Variants in IFI35 observed in about 807,000 individuals in gnomAD.
IFI35 encodes the protein interferon-induced 35 kDa protein.
In IFI35, 30 loss-of-function variants were observed where a neutral mutation model predicts 28.6. The observed-to-expected ratio is 1.05, with a 90% CI of 0.79 to 1.43. The LOEUF is 1.43. Among genes scored for constraint, IFI35 ranks in the 40% most tolerant of loss-of-function variants. The pLI is 0.00. For missense variants in IFI35, 372 were observed against 356.9 expected, an observed-to-expected ratio of 1.04 and a Z score of -0.34; for synonymous variants, 146 against 154.8, an observed-to-expected ratio of 0.94 and a Z score of 0.42.
At chr17:43,007,064 A>AG in intron 1 of IFI35, 96 bp downstream of exon 1, 1 of 1,331,286 alleles carries the variant, frequency 7.5e-7, no homozygotes, top group Non-Finnish European at 1.1e-6. Context: ...GCCAAGCCTC[A>AG]CCCTGCCCAT....
chr17:43,013,857 TGAAC>T lies in IFI35; in HGVS notation c.646_649del (p.Asn216GlyfsTer49). ...GTCCCTCTGAGAGTCTCTCCGTATG[TGAAC>T]GGGGAGATCCAGAAGGCTGAGGTAA... On this transcript the variant is annotated frameshift_variant, in exon 6 of 7. Coordinates refer to ENST00000415816, the MANE Select transcript of IFI35 (RefSeq NM_001330230.2). LOFTEE classifies it high-confidence loss of function. 1 of 1,605,578 alleles carries T rather than the reference TGAAC, an allele frequency of 6.2e-7. No homozygotes were observed. Among genetic ancestry groups the T allele is most frequent in the Non-Finnish European group, 8.5e-7 (1 of 1,175,396 alleles).
Position 43,007,847 on chromosome 17 carries a change from T to TTTTATATATA in IFI35, c.21+880_21+881insTTATATATAT, listed in dbSNP as rs1375752219. On this transcript the variant is annotated intron_variant, in intron 1 of 6. Coordinates refer to ENST00000415816, the MANE Select transcript of IFI35 (RefSeq NM_001330230.2). ...TCTCACACACACACACACACAAAAT[T>TTTTATATATA]TATATATATATATATATATATATAT... Among the ~76,000 whole-genome samples, 1,160 of 118,968 alleles carry TTTTATATATA rather than the reference T, an allele frequency of 9.8e-3. 27 individuals carry two copies. Among genetic ancestry groups the TTTTATATATA allele is most frequent in the African/African-American group, 0.038 (997 of 25,958 alleles). The allele number at this position is 118,968 out of a possible 152,430, so 78.0% of individuals were successfully genotyped here.
chr17:43,012,335 T>G, intron 2 of IFI35, 58 bp downstream of exon 2: 1 of 1,308,828 alleles, frequency 7.6e-7, no homozygotes, highest in South Asian at 1.3e-5. Context: ...CCGGGTGCGG[T>G]GGCTCACACC....
At position 43,007,850 on chromosome 17, in the gene IFI35, TATA is replaced by T. The variant is rs1567741708; in HGVS notation, c.21+883_21+885del. 1.7e-4 allele frequency among the ~76,000 whole-genome samples: 6 copies of T among 35,948 alleles called. No individual in the cohort carries two copies. The Admixed American group carries it at 1.7e-3, about 10-fold the overall frequency. 23.6% of individuals were successfully genotyped at this position (35,948 alleles called of 152,430 possible). A position where few individuals can be genotyped will look rare whatever the true frequency, so the allele number is the denominator to read the frequency against. On this transcript the variant is annotated intron_variant, in intron 1 of 6. Transcript: ENST00000415816. Reference sequence around the variant, plus strand: ...CACACACACACACACACAAAATTTATATATATATATATATATATATATACTATA... The same window carrying T: ...CACACACACACACACACAAAATTTATTATATATATATATATATATACTATA...
chr17:43,013,107 G>C lies in IFI35; in HGVS notation c.181G>C (p.Glu61Gln), dbSNP rs2050477287. 1.2e-6 allele frequency: 2 copies of C among 1,613,904 alleles called. No individual in the cohort carries two copies. The highest frequency in any genetic ancestry group is 1.7e-5 in the Admixed American group (1 of 59,972). The change falls in exon 3 of 7, where the codon GAA (glutamate) becomes CAA (glutamine). Residue 61 changes from glutamate (E) to glutamine (Q), a missense_variant. Glu to Gln is a conservative substitution (Grantham distance 29). Coordinates refer to ENST00000415816, the MANE Select transcript of IFI35 (RefSeq NM_001330230.2). ...CCGAGGACACACCCAGCAGGACCCGGAAGTGCCTAAGTCTTTAGTTTCCAA... is the reference window on the plus strand; with the variant it reads ...CCGAGGACACACCCAGCAGGACCCGCAAGTGCCTAAGTCTTTAGTTTCCAA... ...VFRGHTQQDP[E>Q]VPKSLVSNLR...
intron 2 of IFI35, 61 bp from the exon 3 acceptor site, chr17:43,012,986 G>C (rs750862132): frequency 9.8e-6 from 15 of 1,525,152 alleles, no homozygotes; most frequent in Admixed American, 1.9e-5. Context: ...GAATGGAATC[G>C]GAGATGCCTT....
At chr17:43,007,925 G>A (rs939382416) in intron 1 of IFI35, among the ~76,000 whole-genome samples, 6 of 145,662 alleles carry the variant, frequency 4.1e-5, no homozygotes, top group Non-Finnish European at 8.9e-5. Flanking sequence ...AGATTAACAC[G>A]GTAAAAACTT....
intron 1 of IFI35, among the ~76,000 whole-genome samples, chr17:43,008,343 C>CTTTTTT (rs34285823): frequency 6.7e-5 from 6 of 89,406 alleles, no homozygotes; most frequent in Non-Finnish European, 1.0e-4. Flanking sequence ...CTTTTCTTTC[C>CTTTTTT]TTTTTTTTTT....
chr17:43,013,404 A>G, intron 4 of IFI35, 31 bp downstream of exon 4: 1 of 1,609,896 alleles, frequency 6.2e-7, no homozygotes, highest in Non-Finnish European at 8.5e-7. Flanking sequence ...TGGGGCATGC[A>G]AAGCATGCCA....
chr17:43,010,318 A>G (rs775997), intron 1 of IFI35, among the ~76,000 whole-genome samples: 148,951 of 152,014 alleles, frequency 0.98, 73,044 homozygotes, highest in Middle Eastern at 1. Context: ...GATTGATTCC[A>G]GGAGGTCGAG....
In IFI35 at chr17:43,007,847, T is replaced by TTTTATATA. The variant is rs1375752219; in HGVS notation, c.21+880_21+881insTTATATAT. On this transcript the variant is annotated intron_variant, in intron 1 of 6. Coordinates refer to ENST00000415816, the MANE Select transcript of IFI35 (RefSeq NM_001330230.2). The stretch of plus-strand genomic sequence containing the variant: ...TCTCACACACACACACACACAAAAT[T>TTTTATATA]TATATATATATATATATATATATAT... 8.6e-4 allele frequency among the ~76,000 whole-genome samples: 102 copies of TTTTATATA among 119,010 alleles called. 2 individuals are homozygous for TTTTATATA. The highest frequency in any genetic ancestry group is 1.5e-3 in the Admixed American group (19 of 12,362). 78.1% of individuals were successfully genotyped at this position (119,010 alleles called of 152,430 possible).
intron 1 of IFI35, among the ~76,000 whole-genome samples, chr17:43,007,775 G>A (rs931885511): frequency 4.0e-5 from 6 of 148,462 alleles, no homozygotes; most frequent in African/African-American, 1.2e-4. Flanking sequence ...GCAGTGAGCC[G>A]AGATTGTACC....
rs376575632 is a variant in IFI35, at chr17:43,014,157, A to G, written c.719A>G (p.Asp240Gly). 2 of 1,613,920 alleles carry G rather than the reference A, an allele frequency of 1.2e-6. No homozygotes were observed. The highest frequency in any genetic ancestry group is 4.5e-5 in the East Asian group (2 of 44,870). The change falls in exon 7 of 7, where the codon GAT becomes GGT. Residue 240 changes from aspartate (D) to glycine (G), a missense_variant. By Grantham distance (94) the Asp-to-Gly change is moderately conservative. Coordinates refer to ENST00000415816, the MANE Select transcript of IFI35 (RefSeq NM_001330230.2). The stretch of plus-strand genomic sequence containing the variant: ...TCGGTACTGGTGCTCAACATTCCTG[A>G]TATCTTGGATGGCCCGGAGCTGCAT... Reference protein sequence around the residue: ...PRSVLVLNIPDILDGPELHDV... With the variant: ...PRSVLVLNIPGILDGPELHDV...
rs1250633754 is a variant in IFI35, at chr17:43,012,168, T to G, written c.22-11T>G. The stretch of plus-strand genomic sequence containing the variant: ...GGGTAGAAGTCTTGTTGTTTCCTTC[T>G]GCCCCAACAGGCCCTCCACGCCCTT... On this transcript the variant is annotated splice_polypyrimidine_tract_variant and intron_variant, in intron 1 of 6. Coordinates refer to ENST00000415816, the MANE Select transcript of IFI35 (RefSeq NM_001330230.2). The G allele has an allele frequency of 1.3e-6, 2 of 1,545,556 alleles. No individual in the cohort carries two copies. Among genetic ancestry groups the G allele is most frequent in the Non-Finnish European group, 1.8e-6 (2 of 1,142,286 alleles).
intron 5 of IFI35, 47 bp downstream of exon 5, chr17:43,013,709 C>T: frequency 1.2e-6 from 2 of 1,609,736 alleles, no homozygotes; most frequent in African/African-American, 2.7e-5. Context: ...ATAGGGTGTG[C>T]AAGATTACGG....
In IFI35 at chr17:43,013,274, G is replaced by T. The variant is rs1272982982; in HGVS notation, c.276G>T (p.Glu92Asp). The change falls in exon 4 of 7, where the codon GAG becomes GAT. Residue 92 changes from glutamate to aspartate, a missense_variant. Physicochemically the swap from Glu to Asp is conservative, Grantham distance 45. Transcript: ENST00000415816. ...CTGTTTCCCACCACCCAGTGGCTGAGCAGGTGCTGCAACAAAAGGAGCACA... is the reference window on the plus strand; with the variant it reads ...CTGTTTCCCACCACCCAGTGGCTGATCAGGTGCTGCAACAAAAGGAGCACA... ...LITFDDPKVA[E>D]QVLQQKEHTI... The T allele has an allele frequency of 6.2e-7, 1 of 1,614,178 alleles. No homozygotes were observed. The highest frequency in any genetic ancestry group is 8.5e-7 in the Non-Finnish European group (1 of 1,180,020).
intron 1 of IFI35, among the ~76,000 whole-genome samples, chr17:43,008,775 A>G (rs562624794): frequency 1.3e-5 from 2 of 152,038 alleles, no homozygotes; most frequent in East Asian, 1.9e-4. Context: ...CGCCTGCCTC[A>G]GCCTCCCAAA....
chr17:43,012,349 A>T, intron 2 of IFI35, 72 bp downstream of exon 2: 1 of 1,120,836 alleles, frequency 8.9e-7, no homozygotes, highest in Non-Finnish European at 1.3e-6. Flanking sequence ...TCACACCTGT[A>T]AACCCAGCAC....
rs1188018134 is a variant in IFI35, at chr17:43,006,804, C to G, written c.-144C>G. 2 of 755,188 alleles carry G rather than the reference C, an allele frequency of 2.6e-6. No individual in the cohort carries two copies. The highest frequency in any genetic ancestry group is 4.7e-6 in the Non-Finnish European group (2 of 428,116). 46.8% of individuals were successfully genotyped at this position (755,188 alleles called of 1,614,324 possible). The stretch of plus-strand genomic sequence containing the variant: ...GGAAGCAAACAGCCTGCGAGCAGAG[C>G]CTCCTGAGGTGTATTTCGGGTCTTG... On this transcript the variant is annotated 5_prime_UTR_variant, in exon 1 of 7. Transcript: ENST00000415816.
Sources: gnomAD v4.1 joint callset for allele counts (sites outside exome capture counted in the v4.1 genomes callset) on GRCh38, gnomAD v4.1.1 for gene constraint, MANE v1.5 for transcripts, NCBI Gene and HGNC (gene_info 2026-07-23, HGNC 2026-07-21) for gene names.